FAM220A: variants seen among roughly 807,000 people sequenced by gnomAD.
FAM220A encodes the protein protein FAM220A.
For synonymous variants in FAM220A, 141 were observed against 130.7 expected, an observed-to-expected ratio of 1.08 and a Z score of -0.54; for missense variants, 392 against 321.6, an observed-to-expected ratio of 1.22 and a Z score of -1.68.
rs771443961 is a variant in FAM220A at position 6,330,589 on chromosome 7, T to C, written c.566A>G (p.His189Arg). ...LGSELEPACL[H>R]SILSATLHVY... is the part of the protein sequence containing the mutation. Reference sequence around the variant, plus strand: ...GTGCAGCGTTGCAGACAGGATGGAGTGCAGGCAAGCGGGTTCCAACTCAGA... The same window carrying C: ...GTGCAGCGTTGCAGACAGGATGGAGCGCAGGCAAGCGGGTTCCAACTCAGA... Residue 189 changes from histidine to arginine, a missense_variant, in exon 2 of 2, where the codon CAC becomes CGC. Physicochemically the swap from His to Arg is conservative, Grantham distance 29. Coordinates refer to ENST00000313324, the MANE Select transcript of FAM220A (RefSeq NM_001037163.2). The C allele has an allele frequency of 6.2e-7, 1 of 1,614,048 alleles. No homozygotes were observed. Among genetic ancestry groups the C allele is most frequent in the Non-Finnish European group, 8.5e-7 (1 of 1,180,020 alleles).
At chr7:6,331,831 C>T (rs1178130335) in intron 1 of FAM220A, among the ~76,000 whole-genome samples, 1 of 150,232 alleles carries the variant, frequency 6.7e-6, no homozygotes, top group Admixed American at 6.7e-5. Context: ...ACCACTACCT[C>T]TCAGGTTCGA....
Position 6,331,190 on chromosome 7 carries a change from C to G in FAM220A, c.-36G>C. On this transcript the variant is annotated 5_prime_UTR_variant, in exon 2 of 2. Transcript: ENST00000313324. ...CTTGGATGCGGTGGGCCTGAGGTCA[C>G]GCCTTCGTCAGTCTGGGAGGGCCTT... is the stretch of plus-strand genomic sequence containing the variant. 1 of 1,579,980 alleles carries G rather than the reference C, an allele frequency of 6.3e-7. No homozygotes were observed.
At position 6,329,964 on chromosome 7, in the gene FAM220A, G is replaced by A. The variant is rs570337816; in HGVS notation, c.*411C>T. On this transcript the variant is annotated 3_prime_UTR_variant, in exon 2 of 2. Coordinates refer to ENST00000313324, the MANE Select transcript of FAM220A (RefSeq NM_001037163.2). ...TACCACGAATTCAGCAAGATTTAACGCCAAGTACAGTGGTGTAGACTTTAC... is the reference window on the plus strand; with the variant it reads ...TACCACGAATTCAGCAAGATTTAACACCAAGTACAGTGGTGTAGACTTTAC... 1 of 178,418 alleles carries A rather than the reference G, an allele frequency of 5.6e-6. No homozygotes were observed. Among genetic ancestry groups the A allele is most frequent in the Admixed American group, 5.9e-5 (1 of 17,000 alleles). The allele number at this position is 178,418 out of a possible 1,614,324, so 11.1% of individuals were successfully genotyped here.
intron 1 of FAM220A, among the ~76,000 whole-genome samples, chr7:6,333,368 G>A (rs951214433): frequency 6.6e-6 from 1 of 152,010 alleles, no homozygotes; most frequent in African/African-American, 2.4e-5. Flanking sequence ...AAATTATTCT[G>A]GCTACACTGT....
At chr7:6,341,459 A>T (rs12702502) in intron 1 of FAM220A, among the ~76,000 whole-genome samples, 66,830 of 142,298 alleles carry the variant, frequency 0.47, 15,279 homozygotes, top group East Asian at 0.61. Flanking sequence ...TAATAATAAT[A>T]ATTATTATTA....
chr7:6,343,831 G>C (rs1435602802), intron 1 of FAM220A, among the ~76,000 whole-genome samples: 1 of 152,054 alleles, frequency 6.6e-6, no homozygotes, highest in Non-Finnish European at 1.5e-5. Context: ...TTGGAAAATG[G>C]AGTTCCTTAG....
At chr7:6,341,539 A>G (rs1460867421) in intron 1 of FAM220A, among the ~76,000 whole-genome samples, 2 of 150,526 alleles carry the variant, frequency 1.3e-5, no homozygotes, top group African/African-American at 2.4e-5. Flanking sequence ...ATTTTTTTTA[A>G]ATTAGCCAGG....
intron 1 of FAM220A, among the ~76,000 whole-genome samples, chr7:6,346,963 G>C (rs922493691): frequency 6.6e-6 from 1 of 152,272 alleles, no homozygotes; most frequent in East Asian, 1.9e-4. Flanking sequence ...GAATGCAAGA[G>C]GGGCTCAGGA....
chr7:6,337,131 G>A (rs12702501), intron 1 of FAM220A, among the ~76,000 whole-genome samples: 3,072 of 151,658 alleles, frequency 0.02, 53 homozygotes, highest in Non-Finnish European at 0.03. Context: ...GAGTGCAGTG[G>A]CGCAATCTCA....
At chr7:6,345,992 C>T (rs1781944942) in intron 1 of FAM220A, among the ~76,000 whole-genome samples, 1 of 152,114 alleles carries the variant, frequency 6.6e-6, no homozygotes, top group Admixed American at 6.6e-5. Flanking sequence ...TGGTCTTAAA[C>T]TCCTGACCTC....
At chr7:6,344,932 G>A (rs1781928572) in intron 1 of FAM220A, among the ~76,000 whole-genome samples, 1 of 151,372 alleles carries the variant, frequency 6.6e-6, no homozygotes, top group Admixed American at 6.6e-5. Flanking sequence ...GTAGAGATGG[G>A]GTTTCACCAT....
At chr7:6,344,379 T>C (rs999836165) in intron 1 of FAM220A, among the ~76,000 whole-genome samples, 1 of 152,180 alleles carries the variant, frequency 6.6e-6, no homozygotes, top group African/African-American at 2.4e-5. Flanking sequence ...TGATGTGACA[T>C]GGCTGCTTGT....
intron 1 of FAM220A, among the ~76,000 whole-genome samples, chr7:6,345,828 G>C (rs1015436102): frequency 2.6e-5 from 4 of 151,936 alleles, no homozygotes; most frequent in African/African-American, 9.7e-5. Flanking sequence ...GAGTGCAGTA[G>C]GGTGATCTTG....
intron 1 of FAM220A, among the ~76,000 whole-genome samples, chr7:6,345,827 A>T (rs1013463141): frequency 7.9e-5 from 12 of 151,640 alleles, no homozygotes; most frequent in African/African-American, 2.9e-4. Flanking sequence ...GGAGTGCAGT[A>T]GGGTGATCTT....
chr7:6,331,343 C>T (rs1781630788), intron 1 of FAM220A, 108 bp from the exon 2 acceptor site: 7 of 638,474 alleles, frequency 1.1e-5, no homozygotes, highest in Non-Finnish European at 1.6e-5. Flanking sequence ...TTATGACAGT[C>T]TCCAGTACAG....
intron 1 of FAM220A, among the ~76,000 whole-genome samples, chr7:6,343,703 C>T (rs1781906883): frequency 6.6e-6 from 1 of 151,972 alleles, no homozygotes; most frequent in Non-Finnish European, 1.5e-5. Context: ...CAGTATACAA[C>T]TGTCTGCATC....
intron 1 of FAM220A, among the ~76,000 whole-genome samples, chr7:6,334,878 C>A (rs1451840265): frequency 6.6e-6 from 1 of 152,106 alleles, no homozygotes; most frequent in Non-Finnish European, 1.5e-5. Flanking sequence ...AAGTGATTCT[C>A]CTGCCTCAGC....
In FAM220A at chr7:6,339,476, G is replaced by A. The variant is rs150703768; in HGVS notation, c.-81-8241C>T. 7.5e-3 allele frequency among the ~76,000 whole-genome samples: 1,136 copies of A among 151,676 alleles called. 7 individuals carry two copies. The highest frequency in any genetic ancestry group is 0.026 in the African/African-American group (1,063 of 41,388). On this transcript the variant is annotated intron_variant, in intron 1 of 1. Coordinates refer to ENST00000313324, the MANE Select transcript of FAM220A (RefSeq NM_001037163.2). ...CATCTGCCCCTATAAAACCAGCTGT[G>A]TACCCCTTTTTTTGTTTTTTTTTTT...
intron 1 of FAM220A, among the ~76,000 whole-genome samples, chr7:6,342,452 T>C (rs1387127711): frequency 6.6e-6 from 1 of 151,762 alleles, no homozygotes; most frequent in Non-Finnish European, 1.5e-5. Flanking sequence ...GGCAGGAGAA[T>C]CACTTGAACC....
Sources: allele counts gnomAD v4.1 joint callset (sites outside exome capture counted in the v4.1 genomes callset), GRCh38; gene constraint gnomAD v4.1.1; transcripts MANE v1.5; gene names NCBI Gene and HGNC (gene_info 2026-07-23, HGNC 2026-07-21).